The following KAZN variants were observed in gnomAD, a reference collection of about 807,000 sequenced individuals.
The protein encoded by KAZN is kazrin, periplakin interacting protein.
KAZN carries 40 observed loss-of-function variants against 87.4 expected under a neutral mutation model. The ratio of observed to expected loss-of-function variants is 0.46; its 90% CI spans 0.36 to 0.60. The LOEUF (loss-of-function observed/expected upper bound fraction) is 0.60, where lower values mean the gene tolerates loss of function less well. KAZN is among the 20% of genes least tolerant of loss of function. KAZN has a pLI of 0.00. For missense variants in KAZN, 898 were observed against 1,073.9 expected (o/e 0.84, Z 2.29); for synonymous variants, 466 against 458.3 (o/e 1.02, Z -0.22).
chr1:14,907,217 G>C (rs1249389673), intron 1 of KAZN, among the ~76,000 whole-genome samples: 1 of 151,636 alleles, frequency 6.6e-6, no homozygotes, highest in African/African-American at 2.4e-5. Flanking sequence ...GCAACATGGT[G>C]AAACCCCATC....
chr1:14,299,628 G>T (rs754088300), intron 2 of KAZN, among the ~76,000 whole-genome samples: 2 of 152,146 alleles, frequency 1.3e-5, no homozygotes, highest in Non-Finnish European at 2.9e-5. Context: ...AGCAGATGTC[G>T]CACCCATAGT....
intron 1 of KAZN, among the ~76,000 whole-genome samples, chr1:14,044,870 G>C (rs960609747): frequency 1.3e-5 from 2 of 152,180 alleles, no homozygotes. Flanking sequence ...GATGTTATGA[G>C]ATTTCTGAGG....
chr1:14,205,884 CAAAAAAA>C (rs70997121), intron 2 of KAZN, among the ~76,000 whole-genome samples: 1 of 35,220 alleles, frequency 2.8e-5, no homozygotes. Flanking sequence ...GACACTGTCT[CAAAAAAA>C]AAAAAAAAAA....
At chr1:14,454,122 A>G (rs1297572648) in intron 2 of KAZN, among the ~76,000 whole-genome samples, 1 of 152,206 alleles carries the variant, frequency 6.6e-6, no homozygotes, top group Non-Finnish European at 1.5e-5. Flanking sequence ...GAAGTGAGAA[A>G]TTTTGGATTA....
intron 2 of KAZN, among the ~76,000 whole-genome samples, chr1:14,257,975 G>GAAAAAAAAAAAAAAA (rs201805345): frequency 1.1e-5 from 1 of 87,976 alleles, no homozygotes; most frequent in Non-Finnish European, 2.3e-5. Context: ...AAAAAAAAGA[G>GAAAAAAAAAAAAAAA]AAAAAAAAAA....
At chr1:14,872,916 GTGGA>G (rs769222395) in intron 1 of KAZN, among the ~76,000 whole-genome samples, 23 of 139,008 alleles carry the variant, frequency 1.7e-4, no homozygotes, top group African/African-American at 5.6e-4. Context: ...GGATGGTTGG[GTGGA>G]TGGATGGATG....
intron 1 of KAZN, among the ~76,000 whole-genome samples, chr1:14,789,509 G>A (rs543550405): frequency 6.6e-6 from 1 of 152,198 alleles, no homozygotes; most frequent in South Asian, 2.1e-4. Flanking sequence ...GCCTTGGGAA[G>A]CATTTCCATC....
intron 1 of KAZN, among the ~76,000 whole-genome samples, chr1:14,775,662 G>A (rs945942668): frequency 6.6e-6 from 1 of 152,220 alleles, no homozygotes; most frequent in African/African-American, 2.4e-5. Flanking sequence ...CTCAACGTGC[G>A]CCATGCTGCT....
chr1:14,591,719 G>C (rs1676215457), intron 2 of KAZN, among the ~76,000 whole-genome samples: 1 of 152,148 alleles, frequency 6.6e-6, no homozygotes, highest in South Asian at 2.1e-4. Flanking sequence ...GAGATTGCTT[G>C]GGAAGACAGG....
intron 1 of KAZN, among the ~76,000 whole-genome samples, chr1:13,993,228 C>G (rs973788728): frequency 9.9e-5 from 15 of 152,256 alleles, no homozygotes; most frequent in African/African-American, 3.6e-4. Context: ...GGTAGCACTG[C>G]AGGGGGTTGG....
chr1:14,746,325 T>A (rs1171738466), intron 1 of KAZN, among the ~76,000 whole-genome samples: 1 of 152,110 alleles, frequency 6.6e-6, no homozygotes, highest in African/African-American at 2.4e-5. Flanking sequence ...TTTACTTATT[T>A]AACATGTTAC....
chr1:14,285,268 G>T (rs1256526494), intron 2 of KAZN, among the ~76,000 whole-genome samples: 3 of 152,160 alleles, frequency 2.0e-5, no homozygotes, highest in Admixed American at 2.0e-4. Context: ...ATAAGTATTG[G>T]CCATTATTAT....
At chr1:14,393,912 G>T (rs1298479926) in intron 2 of KAZN, among the ~76,000 whole-genome samples, 1 of 149,634 alleles carries the variant, frequency 6.7e-6, no homozygotes, top group Admixed American at 6.8e-5. Context: ...AAATGTGTGT[G>T]TTTTTTTAAT....
chr1:14,768,441 C>G (rs915745007), intron 1 of KAZN, among the ~76,000 whole-genome samples: 2 of 152,108 alleles, frequency 1.3e-5, no homozygotes, highest in African/African-American at 4.8e-5. Flanking sequence ...GTTTAAGTAT[C>G]AAGAACTCGT....
At chr1:14,869,267 A>AT (rs5772604) in intron 1 of KAZN, among the ~76,000 whole-genome samples, 63,839 of 151,752 alleles carry the variant, frequency 0.42, 13,626 homozygotes, top group Non-Finnish European at 0.46. Context: ...GGTTCTGAGG[A>AT]TTTTTTCTCA....
Position 14,009,940 on chromosome 1 carries a change from C to T in KAZN, c.91+116184C>T, listed in dbSNP as rs560367190. ...ACACACTGGGAAACCGGGTGGTTTC[C>T]TTAATGGCCAGAAACACACTCTCTC... is the stretch of plus-strand genomic sequence containing the variant. On this transcript the variant is annotated intron_variant, in intron 1 of 16. Transcript: ENST00000636203. 3.3e-5 allele frequency among the ~76,000 whole-genome samples: 5 copies of T among 152,064 alleles called. No homozygotes were observed. The East Asian group carries it at 7.8e-4, about 24-fold the overall frequency.
intron 1 of KAZN, among the ~76,000 whole-genome samples, chr1:14,146,639 C>T (rs1388479680): frequency 1.3e-5 from 2 of 149,122 alleles, no homozygotes; most frequent in Non-Finnish European, 3.0e-5. Flanking sequence ...TTATTTTATC[C>T]TCAGAATTGA....
chr1:13,935,252 G>GTAATAATAATAATAATAATAATAA (rs138811922), intron 1 of KAZN, among the ~76,000 whole-genome samples: 11,995 of 146,856 alleles, frequency 0.082, 712 homozygotes, highest in East Asian at 0.18. Flanking sequence ...AGTAGTAGTA[G>GTAATAATAATAATAATAATAATAA]TAATAATAAT....
intron 1 of KAZN, among the ~76,000 whole-genome samples, chr1:13,903,611 T>C (rs1639328984): frequency 6.6e-6 from 1 of 152,034 alleles, no homozygotes; most frequent in South Asian, 2.1e-4. Context: ...TTCTCTTTGA[T>C]CTCCCCAAAG....
Sources: allele counts gnomAD v4.1 joint callset (sites outside exome capture counted in the v4.1 genomes callset), GRCh38; gene constraint gnomAD v4.1.1; transcripts MANE v1.5; gene names NCBI Gene and HGNC (gene_info 2026-07-23, HGNC 2026-07-21).